The following FOXI3 variants were observed in gnomAD, a reference collection of about 807,000 sequenced individuals.
The protein encoded by FOXI3 is forkhead box I3, also known as forkhead box protein I3.
In FOXI3, 4 loss-of-function variants were observed where a neutral mutation model predicts 15.6. That is an observed-to-expected ratio of 0.26 (90% CI 0.13 to 0.59). The LOEUF (loss-of-function observed/expected upper bound fraction) is 0.59, where lower values mean the gene tolerates loss of function less well. Among genes scored for constraint, FOXI3 ranks in the 20% least tolerant of loss-of-function variants. The probability of loss-of-function intolerance (pLI) is 0.90; values close to 1 mark genes in which losing one functional copy is unlikely to be tolerated. For synonymous variants in FOXI3, 238 were observed against 244.4 expected (o/e 0.97, Z 0.25); for missense variants, 489 against 548.2 (o/e 0.89, Z 1.08).
At position 88,452,032 on chromosome 2, in the gene FOXI3, G is replaced by A. The variant is rs746894174; in HGVS notation, c.504C>T (p.Leu168=). 3 of 1,603,650 alleles carry A rather than the reference G, an allele frequency of 1.9e-6. No homozygotes were observed. Among genetic ancestry groups the A allele is most frequent in the South Asian group, 1.1e-5 (1 of 89,738 alleles). Residue 168 remains leucine, a synonymous_variant, in exon 1 of 2, where the codon CTC becomes CTT. Coordinates refer to ENST00000428390, the MANE Select transcript of FOXI3 (RefSeq NM_001135649.3). Reference sequence around the variant, plus strand: ...CGGCGACGAACTGGTAGATGTGGCTGAGAGTGAGTTTGCGCTCGGGCGCGC... The same window carrying A: ...CGGCGACGAACTGGTAGATGTGGCTAAGAGTGAGTTTGCGCTCGGGCGCGC... ...IQSAPERKLT[L]SHIYQFVADS... is the part of the protein sequence containing the mutation.
At position 88,452,574 on chromosome 2, in the gene FOXI3, G is replaced by T. The variant is rs568338484; in HGVS notation, c.-39C>A. The stretch of plus-strand genomic sequence containing the variant: ...GGCGGCTGCGGCGCGGCCGCGGCGA[G>T]GGGCGAGCGGGGCTGGTCTCGCCGC... On this transcript the variant is annotated 5_prime_UTR_variant, in exon 1 of 2. Transcript: ENST00000428390. 7 of 1,054,660 alleles carry T rather than the reference G, an allele frequency of 6.6e-6. No homozygotes were observed. The African/African-American group carries it at 1.2e-4, about 18-fold the overall frequency. The allele number at this position is 1,054,660 out of a possible 1,614,324, so 65.3% of individuals were successfully genotyped here.
rs1179788514 is a variant in FOXI3, at chr2:88,452,314, CGCGGCGGCGGCT to C, written c.210_221del (p.Ala71_Ala74del). On this transcript the variant is annotated inframe_deletion, in exon 1 of 2. Transcript: ENST00000428390. ...GCGGCGGCGGCGGAGCGCCCAGGTA[CGCGGCGGCGGCT>C]GCGGCGGCGGCGGAGGGCGGGCCTC... is the stretch of plus-strand genomic sequence containing the variant. The C allele has an allele frequency of 3.6e-5, 35 of 981,704 alleles. No individual in the cohort carries two copies. The highest frequency in any genetic ancestry group is 4.0e-5 in the Non-Finnish European group (33 of 829,106). 60.8% of individuals were successfully genotyped at this position (981,704 alleles called of 1,614,324 possible).
intron 1 of FOXI3, among the ~76,000 whole-genome samples, chr2:88,449,579 T>C (rs1404376066): frequency 6.6e-6 from 1 of 152,194 alleles, no homozygotes; most frequent in Non-Finnish European, 1.5e-5. Flanking sequence ...ATCCTGCAAA[T>C]GTTTCACCCA....
intron 1 of FOXI3, among the ~76,000 whole-genome samples, chr2:88,450,863 A>C (rs1676033211): frequency 6.6e-6 from 1 of 152,222 alleles, no homozygotes; most frequent in African/African-American, 2.4e-5. Context: ...GAATCTCATT[A>C]GTAATTTTAA....
Position 88,452,237 on chromosome 2 carries a change from C to A in FOXI3, c.299G>T (p.Gly100Val), listed in dbSNP as rs1294882105. The change falls in exon 1 of 2, where the codon GGC (glycine) becomes GTC (valine). Residue 100 changes from glycine (G) to valine (V), a missense_variant. Physicochemically the swap from Gly to Val is moderately radical, Grantham distance 109. Transcript: ENST00000428390. ...GGGCCGCTGAGAGCAGCCGAAGGTG[C>A]CGGCGGCAGGCGGTGGCTGCAGAAA... ...GPFLQPPPAAGTFGCSQRPFA... is the reference protein window; with the variant it reads ...GPFLQPPPAAVTFGCSQRPFA... 5 of 1,072,224 alleles carry A rather than the reference C, an allele frequency of 4.7e-6. No individual in the cohort carries two copies. The highest frequency in any genetic ancestry group is 1.7e-5 in the African/African-American group (1 of 58,734). The allele number at this position is 1,072,224 out of a possible 1,614,324, so 66.4% of individuals were successfully genotyped here. A position where few individuals can be genotyped will look rare whatever the true frequency, so the allele number is the denominator to read the frequency against.
chr2:88,446,833 A>G lies in FOXI3; in HGVS notation c.*1374T>C, dbSNP rs768893635. ...ATTTTCAACTAGAATCTTTGGTCAA[A>G]TGAGATCTAGCTCCATTCCTTCCCT... is the stretch of plus-strand genomic sequence containing the variant. On this transcript the variant is annotated 3_prime_UTR_variant, in exon 2 of 2. Transcript: ENST00000428390. 1 of 152,156 alleles carries G rather than the reference A, an allele frequency of 6.6e-6. No individual in the cohort carries two copies. The highest frequency in any genetic ancestry group is 1.5e-5 in the Non-Finnish European group (1 of 68,036). The allele number at this position is 152,156 out of a possible 1,614,324, so 9.4% of individuals were successfully genotyped here. A position where few individuals can be genotyped will look rare whatever the true frequency, so the allele number is the denominator to read the frequency against.
chr2:88,452,634 C>G lies in FOXI3; in HGVS notation c.-99G>C, dbSNP rs1425526653. 21 of 758,898 alleles carry G rather than the reference C, an allele frequency of 2.8e-5. No homozygotes were observed. The African/African-American group carries it at 4.0e-4, about 14-fold the overall frequency. 47.0% of individuals were successfully genotyped at this position (758,898 alleles called of 1,614,324 possible). A position where few individuals can be genotyped will look rare whatever the true frequency, so the allele number is the denominator to read the frequency against. The stretch of plus-strand genomic sequence containing the variant: ...AGCATCCCTTTGGGGGCCAACCCTG[C>G]GGCTCCGCCTTCACCCGCGCTGGGC... On this transcript the variant is annotated 5_prime_UTR_variant, in exon 1 of 2. Transcript: ENST00000428390.
chr2:88,448,605 C>T lies in FOXI3; in HGVS notation c.865G>A (p.Glu289Lys), dbSNP rs1675989731. The T allele has an allele frequency of 2.1e-5, 33 of 1,551,486 alleles. No individual in the cohort carries two copies. The highest frequency in any genetic ancestry group is 2.9e-5 in the Non-Finnish European group (33 of 1,146,982). Residue 289 changes from glutamate (E) to lysine (K), a missense_variant, in exon 2 of 2, where the codon GAG becomes AAG. Glu to Lys is a moderately conservative substitution (Grantham distance 56). Coordinates refer to ENST00000428390, the MANE Select transcript of FOXI3 (RefSeq NM_001135649.3). ...STLLRPSHSP[E>K]PPEGTKSTAS... ...GTACTCTTGGTGCCCTCCGGAGGCTCTGGGGAGTGGGAAGGCCTCAGCAGA... is the reference window on the plus strand; with the variant it reads ...GTACTCTTGGTGCCCTCCGGAGGCTTTGGGGAGTGGGAAGGCCTCAGCAGA...
rs1233357160 is a variant in FOXI3 at position 88,448,690 on chromosome 2, C to T, written c.780G>A (p.Gly260=). Reference sequence around the variant, plus strand: ...CTCCAGACCCCAATCCTGAGGAGAGCCCTTCTTCGGACTTTGATGTCCCAG... The same window carrying T: ...CTCCAGACCCCAATCCTGAGGAGAGTCCTTCTTCGGACTTTGATGTCCCAG... ...VAAGTSKSEE[G]LSSGLGSGVG... is the part of the protein sequence containing the mutation. The change falls in exon 2 of 2, where the codon GGG becomes GGA. Residue 260 remains glycine (G), a synonymous_variant. Coordinates refer to ENST00000428390, the MANE Select transcript of FOXI3 (RefSeq NM_001135649.3). 2 of 1,551,702 alleles carry T rather than the reference C, an allele frequency of 1.3e-6. No individual in the cohort carries two copies. The highest frequency in any genetic ancestry group is 1.7e-6 in the Non-Finnish European group (2 of 1,147,030).
In FOXI3 at chr2:88,447,002, G is replaced by A. The variant is rs1350453890; in HGVS notation, c.*1205C>T. Reference sequence around the variant, plus strand: ...TACTATCAGTCTCACCTTGGAAAGTGGTCACAACTTTTTTTTAGCCACCTG... The same window carrying A: ...TACTATCAGTCTCACCTTGGAAAGTAGTCACAACTTTTTTTTAGCCACCTG... On this transcript the variant is annotated 3_prime_UTR_variant, in exon 2 of 2. Transcript: ENST00000428390. 1 of 152,144 alleles carries A rather than the reference G, an allele frequency of 6.6e-6. No homozygotes were observed. The highest frequency in any genetic ancestry group is 2.4e-5 in the African/African-American group (1 of 41,422). The allele number at this position is 152,144 out of a possible 1,614,324, so 9.4% of individuals were successfully genotyped here.
chr2:88,450,803 T>A (rs920333036), intron 1 of FOXI3, among the ~76,000 whole-genome samples: 2 of 152,224 alleles, frequency 1.3e-5, no homozygotes, highest in African/African-American at 4.8e-5. Context: ...TGAGATGTAG[T>A]GTAAAATACA....
Position 88,452,330 on chromosome 2 carries a change from G to A in FOXI3, c.206C>T (p.Ala69Val), listed in dbSNP as rs1355053437. Residue 69 changes from alanine to valine, a missense_variant, in exon 1 of 2, where the codon GCC (alanine) becomes GTC (valine). Ala to Val is a moderately conservative substitution (Grantham distance 64). Around this residue, in one of 3 missense-constraint regions of FOXI3, gnomAD observed 224 missense variants for 245.7 expected, o/e 0.91. Transcript: ENST00000428390. ...PGVGGPPSAA[A>V]AAAAAYLGAP... ...GCCCAGGTACGCGGCGGCGGCTGCGGCGGCGGCGGAGGGCGGGCCTCCCAC... is the reference window on the plus strand; with the variant it reads ...GCCCAGGTACGCGGCGGCGGCTGCGACGGCGGCGGAGGGCGGGCCTCCCAC... 3.4e-5 allele frequency: 33 copies of A among 982,862 alleles called. No individual in the cohort carries two copies. The highest frequency in any genetic ancestry group is 3.7e-5 in the Non-Finnish European group (31 of 829,754). The allele number at this position is 982,862 out of a possible 1,614,324, so 60.9% of individuals were successfully genotyped here.
intron 1 of FOXI3, 45 bp downstream of exon 1, chr2:88,451,851 G>T (rs1029043878): frequency 6.3e-7 from 1 of 1,584,366 alleles, no homozygotes; most frequent in African/African-American, 1.4e-5. Flanking sequence ...CTTGCGACCC[G>T]CGTCCGCCCT....
chr2:88,448,671 A>G lies in FOXI3; in HGVS notation c.799T>C (p.Ser267Pro). 6.4e-7 allele frequency: 1 copy of G among 1,551,666 alleles called. No homozygotes were observed. ...TCTTCTGGCTTCCCACCCACTCCAGACCCCAATCCTGAGGAGAGCCCTTCT... is the reference window on the plus strand; with the variant it reads ...TCTTCTGGCTTCCCACCCACTCCAGGCCCCAATCCTGAGGAGAGCCCTTCT... ...SEEGLSSGLG[S>P]GVGGKPEEES... is the part of the protein sequence containing the mutation. The change falls in exon 2 of 2, where the codon TCT becomes CCT. Residue 267 changes from serine (S) to proline (P), a missense_variant. Ser to Pro is a moderately conservative substitution (Grantham distance 74, BLOSUM62 -1). Around this residue, in one of 3 missense-constraint regions of FOXI3, gnomAD observed 263 missense variants for 285.5 expected, o/e 0.92. Coordinates refer to ENST00000428390, the MANE Select transcript of FOXI3 (RefSeq NM_001135649.3).
Position 88,452,678 on chromosome 2 carries a change from G to C in FOXI3, c.-143C>G. ...GCTGGGCGCCCGGTGCTCCGGGCCG[G>C]GGTCGGGCGGGTGCTAGCGGAGCGC... On this transcript the variant is annotated 5_prime_UTR_variant, in exon 1 of 2. Coordinates refer to ENST00000428390, the MANE Select transcript of FOXI3 (RefSeq NM_001135649.3). The C allele has an allele frequency of 2.8e-6, 1 of 357,964 alleles. No individual in the cohort carries two copies. Among genetic ancestry groups the C allele is most frequent in the Non-Finnish European group, 4.1e-6 (1 of 245,090 alleles). 22.2% of individuals were successfully genotyped at this position (357,964 alleles called of 1,614,324 possible). A position where few individuals can be genotyped will look rare whatever the true frequency, so the allele number is the denominator to read the frequency against.
intron 1 of FOXI3, 148 bp downstream of exon 1, chr2:88,451,748 T>C: frequency 8.9e-7 from 1 of 1,119,828 alleles, no homozygotes; most frequent in Admixed American, 2.6e-5. Context: ...TCCTCTGGGT[T>C]GGGTGGTTAT....
intron 1 of FOXI3, among the ~76,000 whole-genome samples, chr2:88,449,433 G>C (rs1676005933): frequency 6.6e-6 from 1 of 152,064 alleles, no homozygotes; most frequent in African/African-American, 2.4e-5. Context: ...CCAGACAAAG[G>C]CAATTTCAAA....
Position 88,452,041 on chromosome 2 carries a change from T to C in FOXI3, c.495A>G (p.Lys165=), listed in dbSNP as rs1239764572. 10 of 1,598,124 alleles carry C rather than the reference T, an allele frequency of 6.3e-6. No individual in the cohort carries two copies. Among genetic ancestry groups the C allele is most frequent in the African/African-American group, 1.3e-5 (1 of 74,464 alleles). Residue 165 remains lysine (K), a synonymous_variant, in exon 1 of 2, where the codon AAA becomes AAG. Coordinates refer to ENST00000428390, the MANE Select transcript of FOXI3 (RefSeq NM_001135649.3). ...ACTGGTAGATGTGGCTGAGAGTGAG[T>C]TTGCGCTCGGGCGCGCTCTGAATGG... The part of the protein sequence containing the change: ...AMAIQSAPER[K]LTLSHIYQFV...
At position 88,452,167 on chromosome 2, in the gene FOXI3, G is replaced by T; in HGVS notation, c.369C>A (p.Pro123=). ...GCCAGCCCAGCTCCCCGGGCCCCGC[G>T]GGCGCGGCGGGCGAGGCGGGCGCGG... is the stretch of plus-strand genomic sequence containing the variant. ...APAAPASPAA[P]AGPGELGWLS... The change falls in exon 1 of 2, where the codon CCC becomes CCA. Residue 123 remains proline (P), a synonymous_variant. Coordinates refer to ENST00000428390, the MANE Select transcript of FOXI3 (RefSeq NM_001135649.3). 1 of 1,333,530 alleles carries T rather than the reference G, an allele frequency of 7.5e-7. No homozygotes were observed. Among genetic ancestry groups the T allele is most frequent in the East Asian group, 3.1e-5 (1 of 31,992 alleles). The allele number at this position is 1,333,530 out of a possible 1,614,324, so 82.6% of individuals were successfully genotyped here. A position where few individuals can be genotyped will look rare whatever the true frequency, so the allele number is the denominator to read the frequency against.
Sources: allele counts gnomAD v4.1 joint callset (sites outside exome capture counted in the v4.1 genomes callset), GRCh38; gene constraint gnomAD v4.1.1; regional missense constraint gnomAD v4.1.1; transcripts MANE v1.5; gene names NCBI Gene and HGNC (gene_info 2026-07-23, HGNC 2026-07-21).